LRP5: variants seen among roughly 807,000 people sequenced by gnomAD.
LRP5 encodes low-density lipoprotein receptor-related protein 5.
A neutral mutation model predicts 154.1 loss-of-function variants in LRP5; 62 were observed. The ratio of observed to expected loss-of-function variants is 0.40; its 90% CI spans 0.33 to 0.50. The LOEUF (loss-of-function observed/expected upper bound fraction) is 0.50. LRP5 is among the 20% of genes least tolerant of loss of function. The pLI, the probability that LRP5 is intolerant of heterozygous loss-of-function variation, is 0.55. For missense variants in LRP5, 1,915 were observed against 2,336.7 expected (o/e 0.82, Z 3.72); for synonymous variants, 966 against 1,011.5 (o/e 0.96, Z 0.85).
At chr11:68,309,676 C>A (rs955515472), upstream of LRP5, among the ~76,000 whole-genome samples, 1 of 151,754 alleles carries the variant, frequency 6.6e-6, no homozygotes, top group Non-Finnish European at 1.5e-5. Flanking sequence ...TGTATCCCTT[C>A]CCAAATTTAG....
At chr11:68,433,928 G>C in intron 18 of LRP5, 90 bp downstream of exon 18, 1 of 1,280,626 alleles carries the variant, frequency 7.8e-7, no homozygotes, top group Non-Finnish European at 1.1e-6. Context: ...CACAGGAGTA[G>C]GGGCTCTGAA....
chr11:68,347,054 G>A (rs1036161036), intron 1 of LRP5, among the ~76,000 whole-genome samples: 3 of 152,168 alleles, frequency 2.0e-5, no homozygotes, highest in Non-Finnish European at 2.9e-5. Flanking sequence ...CAGCCTGGCC[G>A]CAGGCAGATC....
At chr11:68,396,513 G>A (rs544161194) in intron 7 of LRP5, among the ~76,000 whole-genome samples, 148 of 152,164 alleles carry the variant, frequency 9.7e-4, no homozygotes, top group Middle Eastern at 3.2e-3. Flanking sequence ...AGGACTTCAC[G>A]GGCAGCTGTG....
intron 6 of LRP5, among the ~76,000 whole-genome samples, chr11:68,389,296 C>A (rs1039022508): frequency 7.9e-5 from 12 of 151,858 alleles, no homozygotes; most frequent in Admixed American, 7.9e-4. Flanking sequence ...TGACATTTAC[C>A]GACATTGACA....
the LRP5 span, among the ~76,000 whole-genome samples, chr11:68,302,127 C>G: frequency 5.1e-4 from 77 of 151,142 alleles, 1 homozygote; most frequent in East Asian, 0.014. Flanking sequence ...GAGGCCAAGG[C>G]GGGCAGATCA....
intron 1 of LRP5, among the ~76,000 whole-genome samples, chr11:68,327,092 C>T (rs1464977166): frequency 6.6e-6 from 1 of 152,206 alleles, no homozygotes. Flanking sequence ...CCCTGCCCGC[C>T]CCAGCAGGTG....
chr11:68,395,638 T>C (rs906978002), intron 7 of LRP5, among the ~76,000 whole-genome samples: 5 of 151,906 alleles, frequency 3.3e-5, no homozygotes, highest in Admixed American at 3.3e-4. Flanking sequence ...TCATCATGGG[T>C]CCCTTTCTTT....
chr11:68,328,963 G>A (rs780193521), intron 1 of LRP5, among the ~76,000 whole-genome samples: 5 of 152,202 alleles, frequency 3.3e-5, no homozygotes, highest in African/African-American at 9.7e-5. Context: ...TTGAGACTGC[G>A]TGGGTGGGGT....
intron 19 of LRP5, 117 bp from the exon 20 acceptor site, chr11:68,438,329 C>A: frequency 2.0e-6 from 2 of 1,020,086 alleles, no homozygotes; most frequent in Non-Finnish European, 3.1e-6. Context: ...CCCACTTTCT[C>A]CCCACCCTCC....
Position 68,409,730 on chromosome 11 carries a change from TC to T in LRP5, c.2092-180del, listed in dbSNP as rs11288791. Among the ~76,000 whole-genome samples, 152,111 of 152,112 alleles carry T rather than the reference TC, an allele frequency of 1. 76,055 individuals are homozygous for T. The highest frequency in any genetic ancestry group is 1 in the Non-Finnish European group (68,022 of 68,022). On this transcript the variant is annotated intron_variant, in intron 9 of 22. Coordinates refer to ENST00000294304, the MANE Select transcript of LRP5 (RefSeq NM_002335.4). ...CAGGCGTGGTGGCATGTGCCTGTAA[TC>T]CCCACCTACTTGGGAGGCTAAGGCT...
intron 4 of LRP5, among the ~76,000 whole-genome samples, chr11:68,364,358 A>ATGTGTGTGTGTG (rs113821152): frequency 0.01 from 1,474 of 145,502 alleles, 16 homozygotes; most frequent in Non-Finnish European, 0.015. Context: ...ATACATATAT[A>ATGTGTGTGTGTG]TGTGTGTGTG....
chr11:68,403,984 C>A, intron 8 of LRP5: 1 of 530,844 alleles, frequency 1.9e-6, no homozygotes, highest in Non-Finnish European at 3.4e-6. Context: ...CCTTCGTGCC[C>A]ACAGTGACCC....
intron 1 of LRP5, among the ~76,000 whole-genome samples, chr11:68,347,003 GA>G (rs2098613550): frequency 6.6e-6 from 1 of 152,236 alleles, no homozygotes; most frequent in African/African-American, 2.4e-5. Flanking sequence ...TGCACAGGCA[GA>G]AGGGGCTGAG....
At position 68,449,064 on chromosome 11, in the gene LRP5, A is replaced by T; in HGVS notation, c.4842A>T (p.Ser1614=). 1 of 1,548,096 alleles carries T rather than the reference A, an allele frequency of 6.5e-7. No individual in the cohort carries two copies. The highest frequency in any genetic ancestry group is 8.7e-7 in the Non-Finnish European group (1 of 1,148,228). The change falls in exon 23 of 23, where the codon TCA becomes TCT. Residue 1614 remains serine (S), a synonymous_variant. Coordinates refer to ENST00000294304, the MANE Select transcript of LRP5 (RefSeq NM_002335.4). ...CCCCTCCGTCCCCCTGCACGGACTCATCCTGACCTCGGCCGGGCCACTCTG... is the reference window on the plus strand; with the variant it reads ...CCCCTCCGTCCCCCTGCACGGACTCTTCCTGACCTCGGCCGGGCCACTCTG... ...FPPPPSPCTD[S]S is the part of the protein sequence containing the mutation.
At chr11:68,367,273 A>C (rs915361021) in intron 5 of LRP5, among the ~76,000 whole-genome samples, 3 of 152,194 alleles carry the variant, frequency 2.0e-5, no homozygotes, top group African/African-American at 7.2e-5. Flanking sequence ...TGGTTTGACC[A>C]GGTTGGATGA....
chr11:68,357,063 G>A (rs1010806658), intron 2 of LRP5, among the ~76,000 whole-genome samples: 4 of 151,682 alleles, frequency 2.6e-5, no homozygotes, highest in African/African-American at 9.7e-5. Flanking sequence ...AGCCTCCTAA[G>A]TAGCTGGGAC....
At chr11:68,301,065 G>C in the LRP5 span, among the ~76,000 whole-genome samples, 1 of 147,938 alleles carries the variant, frequency 6.8e-6, no homozygotes, top group South Asian at 2.1e-4. Context: ...TAGTAGCTGG[G>C]ATGACAGACG....
At chr11:68,316,909 TG>T (rs1318887304) in intron 1 of LRP5, among the ~76,000 whole-genome samples, 1 of 152,238 alleles carries the variant, frequency 6.6e-6, no homozygotes. Flanking sequence ...GCCGGACATC[TG>T]TGGTTTGTGA....
At chr11:68,418,945 G>T (rs1408427403) in intron 13 of LRP5, among the ~76,000 whole-genome samples, 2 of 152,160 alleles carry the variant, frequency 1.3e-5, no homozygotes, top group Non-Finnish European at 2.9e-5. Context: ...TTCTTTTATG[G>T]TGTCTGCTAG....
Sources: allele counts gnomAD v4.1 joint callset (sites outside exome capture counted in the v4.1 genomes callset), GRCh38; gene constraint gnomAD v4.1.1; transcripts MANE v1.5; gene names NCBI Gene and HGNC (gene_info 2026-07-23, HGNC 2026-07-21).